BCAS3: variants seen among roughly 807,000 people sequenced by gnomAD.
BCAS3 encodes the protein BCAS3 microtubule associated cell migration factor, also known as BCAS4/BCAS3 fusion.
In BCAS3, 53 loss-of-function variants were observed where a neutral mutation model predicts 116.1. That is an observed-to-expected ratio of 0.46 (90% CI 0.37 to 0.57). BCAS3 has a LOEUF of 0.57. Among genes scored for constraint, BCAS3 ranks in the 20% least tolerant of loss-of-function variants. BCAS3 has a pLI of 0.00. For synonymous variants in BCAS3, 391 were observed against 408.2 expected, an observed-to-expected ratio of 0.96 and a Z score of 0.51; for missense variants, 917 against 1,165.4, an observed-to-expected ratio of 0.79 and a Z score of 3.10.
At chr17:61,321,430 T>C (rs1000983771) in intron 22 of BCAS3, among the ~76,000 whole-genome samples, 4 of 152,230 alleles carry the variant, frequency 2.6e-5, no homozygotes, top group African/African-American at 2.4e-5. Flanking sequence ...AAGAGCTTGA[T>C]TGTAGTCCTG....
At chr17:60,697,708 T>C (rs1250256952) in intron 4 of BCAS3, among the ~76,000 whole-genome samples, 1 of 152,160 alleles carries the variant, frequency 6.6e-6, no homozygotes, top group South Asian at 2.1e-4. Context: ...GAGAGTATAC[T>C]GAGTGCAGTC....
At chr17:60,749,624 G>A (rs4365351) in intron 6 of BCAS3, among the ~76,000 whole-genome samples, 109,620 of 152,008 alleles carry the variant, frequency 0.72, 45,187 homozygotes, top group South Asian at 0.97. Flanking sequence ...TTCTTTTTTT[G>A]AGATAGTTCC....
At chr17:60,736,941 CCTTCCT>C (rs1181382240) in intron 5 of BCAS3, among the ~76,000 whole-genome samples, 2 of 129,230 alleles carry the variant, frequency 1.5e-5, no homozygotes, top group African/African-American at 5.8e-5. Flanking sequence ...TCCCTTCCTT[CCTTCCT>C]TCCTATTTTT....
rs1220688089 is a variant in BCAS3, at chr17:61,213,954, G to A, written c.2425+129390G>A. On this transcript the variant is annotated intron_variant, in intron 22 of 23. Coordinates refer to ENST00000407086, the MANE Select transcript of BCAS3 (RefSeq NM_017679.5). This position sits in a 1 kb window ranked among gnomAD's most constrained non-coding sequence, Gnocchi z 5.4. ...GAGGGAAGACAAGTGAGGAATTATG[G>A]CAGCCAAATGTCTCCCAAAGTGAAA... Among the ~76,000 whole-genome samples the A allele has an allele frequency of 6.6e-6, 1 of 152,148 alleles. No homozygotes were observed. Among genetic ancestry groups the A allele is most frequent in the Non-Finnish European group, 1.5e-5 (1 of 68,032 alleles).
intron 12 of BCAS3, 58 bp downstream of exon 12, chr17:60,910,760 C>A: frequency 1.4e-6 from 2 of 1,414,210 alleles, no homozygotes; most frequent in East Asian, 2.5e-5. Flanking sequence ...GGGCTAAGAT[C>A]AAGATTAGTC....
At chr17:60,740,113 T>C (rs1447488880) in intron 5 of BCAS3, among the ~76,000 whole-genome samples, 1 of 152,168 alleles carries the variant, frequency 6.6e-6, no homozygotes, top group Non-Finnish European at 1.5e-5. Context: ...TTTCTGAGCT[T>C]ACCAGTTCTG....
intron 22 of BCAS3, among the ~76,000 whole-genome samples, chr17:61,207,547 A>G (rs1017391116): frequency 1.3e-5 from 2 of 151,996 alleles, no homozygotes; most frequent in Non-Finnish European, 2.9e-5. Flanking sequence ...ATGGCATTCT[A>G]TTCTGTGAAG....
At chr17:61,146,984 G>A (rs1160149003) in intron 22 of BCAS3, among the ~76,000 whole-genome samples, 3 of 151,966 alleles carry the variant, frequency 2.0e-5, no homozygotes, top group African/African-American at 7.3e-5. Flanking sequence ...GCGTGATCAT[G>A]GCTTACTGCA....
chr17:60,700,760 G>A (rs1482840683), intron 4 of BCAS3, among the ~76,000 whole-genome samples: 1 of 152,166 alleles, frequency 6.6e-6, no homozygotes, highest in Non-Finnish European at 1.5e-5. Flanking sequence ...GGTTCTAGTT[G>A]CTGCGCAGTC....
At chr17:60,887,226 CCTTT>C in intron 9 of BCAS3, 1 of 152,232 alleles carries the variant, frequency 6.6e-6, no homozygotes, top group East Asian at 1.9e-4. Context: ...GTCCGTCACC[CCTTT>C]CTTTGACTCG....
chr17:61,044,942 A>G (rs909740148), intron 19 of BCAS3, among the ~76,000 whole-genome samples: 1 of 151,674 alleles, frequency 6.6e-6, no homozygotes, highest in Non-Finnish European at 1.5e-5. Context: ...TTTGTATTTT[A>G]GTAGAGATGG....
chr17:61,123,366 A>G (rs2075886126), intron 22 of BCAS3, among the ~76,000 whole-genome samples: 1 of 152,072 alleles, frequency 6.6e-6, no homozygotes, highest in East Asian at 1.9e-4. Context: ...AGATGGACAC[A>G]CCTCTCAATA....
intron 19 of BCAS3, among the ~76,000 whole-genome samples, chr17:61,049,730 C>CTTTT (rs1027378849): frequency 4.4e-4 from 53 of 120,766 alleles, no homozygotes; most frequent in African/African-American, 1.2e-3. Flanking sequence ...CTTTTCTTTT[C>CTTTT]TTTTTTTTTT....
chr17:60,700,795 C>T (rs966894931), intron 4 of BCAS3, among the ~76,000 whole-genome samples: 2 of 152,134 alleles, frequency 1.3e-5, no homozygotes, highest in Non-Finnish European at 2.9e-5. Flanking sequence ...TGAAAATTAT[C>T]TATTGGATTG....
chr17:60,717,176 A>G (rs2038711053), intron 5 of BCAS3, among the ~76,000 whole-genome samples: 1 of 151,850 alleles, frequency 6.6e-6, no homozygotes, highest in South Asian at 2.1e-4. Flanking sequence ...TCTGAGGTGC[A>G]GAATATGTTT....
chr17:60,727,199 T>A, intron 5 of BCAS3: 1 of 912,104 alleles, frequency 1.1e-6, no homozygotes, highest in Non-Finnish European at 1.8e-6. Flanking sequence ...TCTCTTCTTA[T>A]CTCCTCCCGG....
At chr17:60,820,681 T>TA (rs912908216) in intron 7 of BCAS3, among the ~76,000 whole-genome samples, 3 of 152,070 alleles carry the variant, frequency 2.0e-5, no homozygotes, top group South Asian at 2.1e-4. Context: ...AGATTTTACC[T>TA]AAAAAAAGAC....
chr17:61,038,576 G>A (rs1017774532), intron 18 of BCAS3, among the ~76,000 whole-genome samples: 1 of 151,516 alleles, frequency 6.6e-6, no homozygotes, highest in Non-Finnish European at 1.5e-5. Context: ...TTATATAAAT[G>A]GAATCATATA....
chr17:60,810,600 G>T, intron 7 of BCAS3: 1 of 721,950 alleles, frequency 1.4e-6, no homozygotes, highest in Non-Finnish European at 2.6e-6. Context: ...CAAATACTGT[G>T]GACAGTGCCT....
Sources: allele counts gnomAD v4.1 joint callset (sites outside exome capture counted in the v4.1 genomes callset), GRCh38; gene constraint gnomAD v4.1.1; non-coding constraint Gnocchi (gnomAD v3.1); transcripts MANE v1.5; gene names NCBI Gene and HGNC (gene_info 2026-07-23, HGNC 2026-07-21).